Variants in ZBTB20 observed in about 807,000 individuals in gnomAD.
The protein encoded by ZBTB20 is zinc finger and BTB domain containing 20, also known as zinc finger and BTB domain-containing protein 20.
In ZBTB20, 9 loss-of-function variants were observed where a neutral mutation model predicts 56.9. The ratio of observed to expected loss-of-function variants is 0.16; its 90% CI spans 0.10 to 0.28. The LOEUF (loss-of-function observed/expected upper bound fraction) is 0.28, where lower values mean the gene tolerates loss of function less well. Among genes scored for constraint, ZBTB20 ranks in the 10% least tolerant of loss-of-function variants. The pLI is 1.00. For missense variants in ZBTB20, 655 were observed against 1,003.0 expected (o/e 0.65, Z 4.69); for synonymous variants, 417 against 420.7 (o/e 0.99, Z 0.11).
At chr3:114,832,020 A>G (rs936777153) in intron 4 of ZBTB20, among the ~76,000 whole-genome samples, 2 of 152,122 alleles carry the variant, frequency 1.3e-5, no homozygotes, top group African/African-American at 4.8e-5. Flanking sequence ...GCTTATCTGC[A>G]TTGTTTTCAC....
intron 6 of ZBTB20, among the ~76,000 whole-genome samples, chr3:114,609,033 C>T (rs1047437004): frequency 4.6e-5 from 7 of 152,130 alleles, no homozygotes; most frequent in African/African-American, 1.7e-4. Context: ...AGAAATAAGA[C>T]CTTTCACATC....
At chr3:115,039,726 A>G (rs2081066458) in intron 2 of ZBTB20, among the ~76,000 whole-genome samples, 1 of 152,102 alleles carries the variant, frequency 6.6e-6, no homozygotes, top group Non-Finnish European at 1.5e-5. Context: ...TTTAAGAAGA[A>G]GTTTATGCAC....
chr3:115,036,142 G>A (rs2080908566), intron 2 of ZBTB20, among the ~76,000 whole-genome samples: 1 of 152,042 alleles, frequency 6.6e-6, no homozygotes. Flanking sequence ...TAATTCTGGA[G>A]ATACTTGGTG....
At position 114,577,632 on chromosome 3, in the gene ZBTB20, T is replaced by C. The variant is rs143367069; in HGVS notation, c.-294-77241A>G. Among the ~76,000 whole-genome samples the C allele has an allele frequency of 7.8e-3, 1,185 of 152,222 alleles. 16 individuals are homozygous for C. The highest frequency in any genetic ancestry group is 0.027 in the African/African-American group (1,132 of 41,534). On this transcript the variant is annotated intron_variant, in intron 6 of 11. Coordinates refer to ENST00000675478, the MANE Select transcript of ZBTB20 (RefSeq NM_001348800.3). The stretch of plus-strand genomic sequence containing the variant: ...CTAGAATTCCAGCTCTTTAGAGTAA[T>C]GAGGTCAAAGAGGCTCCATTTGAAA...
chr3:114,390,816 G>C lies in ZBTB20; in HGVS notation c.-254-1711C>G, dbSNP rs1037420312. Among the ~76,000 whole-genome samples, 6 of 152,236 alleles carry C rather than the reference G, an allele frequency of 3.9e-5. No individual in the cohort carries two copies. The South Asian group carries it at 6.2e-4, about 16-fold the overall frequency. Reference sequence around the variant, plus strand: ...ACAACAGGGTCTCTAACTTTGAGAAGTTCACATCGCCATCAAATACTACAC... The same window carrying C: ...ACAACAGGGTCTCTAACTTTGAGAACTTCACATCGCCATCAAATACTACAC... On this transcript the variant is annotated intron_variant, in intron 7 of 11. Transcript: ENST00000675478.
chr3:114,611,655 G>A (rs1439211629), intron 6 of ZBTB20, among the ~76,000 whole-genome samples: 3 of 152,142 alleles, frequency 2.0e-5, no homozygotes, highest in Admixed American at 6.5e-5. Context: ...GGTGGGGAAG[G>A]AGACATGGAA....
intron 6 of ZBTB20, among the ~76,000 whole-genome samples, chr3:114,631,111 CAT>C (rs1308907233): frequency 1.3e-5 from 2 of 151,990 alleles, no homozygotes; most frequent in South Asian, 2.1e-4. Flanking sequence ...ATTTTAATTA[CAT>C]GTTTATAATT....
At chr3:114,454,259 C>CT (rs1553717426) in intron 7 of ZBTB20, among the ~76,000 whole-genome samples, 6 of 146,458 alleles carry the variant, frequency 4.1e-5, no homozygotes, top group Admixed American at 2.7e-4. Context: ...TTTTTTCTTT[C>CT]TTTTTTTTCA....
At position 114,512,364 on chromosome 3, in the gene ZBTB20, G is replaced by A. The variant is rs72952550; in HGVS notation, c.-294-11973C>T. On this transcript the variant is annotated intron_variant, in intron 6 of 11. Transcript: ENST00000675478. The stretch of plus-strand genomic sequence containing the variant: ...CATTAATTCAACAAATAGTTTTCCC[G>A]AGTCTATTATTGATTACTCTGCCAA... Among the ~76,000 whole-genome samples, 1,020 of 152,048 alleles carry A rather than the reference G, an allele frequency of 6.7e-3. 13 individuals carry two copies. Among genetic ancestry groups the A allele is most frequent in the African/African-American group, 0.023 (946 of 41,490 alleles).
chr3:114,412,353 C>G (rs1352273367), intron 7 of ZBTB20, among the ~76,000 whole-genome samples: 1 of 152,116 alleles, frequency 6.6e-6, no homozygotes, highest in Non-Finnish European at 1.5e-5. Flanking sequence ...TTTCTGAAGA[C>G]AGTGGTGCCA....
At chr3:115,085,577 A>G (rs576276001) in intron 1 of ZBTB20, among the ~76,000 whole-genome samples, 11 of 152,152 alleles carry the variant, frequency 7.2e-5, no homozygotes, top group Non-Finnish European at 1.6e-4. Flanking sequence ...GACATAAAAT[A>G]GTCCTTAAAC....
At chr3:115,101,220 G>C (rs1476155762) in intron 1 of ZBTB20, among the ~76,000 whole-genome samples, 1 of 152,066 alleles carries the variant, frequency 6.6e-6, no homozygotes, top group Non-Finnish European at 1.5e-5. Flanking sequence ...ATAGAATATG[G>C]GACTGAAACT....
chr3:114,471,613 TGA>T (rs2040138310), intron 7 of ZBTB20, among the ~76,000 whole-genome samples: 1 of 152,130 alleles, frequency 6.6e-6, no homozygotes, highest in South Asian at 2.1e-4. Flanking sequence ...GTGGAGCGAC[TGA>T]GAGAATATGT....
At chr3:114,924,709 T>C (rs1196671176) in intron 3 of ZBTB20, among the ~76,000 whole-genome samples, 4 of 152,274 alleles carry the variant, frequency 2.6e-5, no homozygotes, top group South Asian at 4.1e-4. Flanking sequence ...CATAAAACAA[T>C]CACAATGCAC....
At chr3:115,021,097 C>A (rs1043265415) in intron 2 of ZBTB20, among the ~76,000 whole-genome samples, 1 of 151,032 alleles carries the variant, frequency 6.6e-6, no homozygotes, top group East Asian at 2.0e-4. Context: ...GGACAAGTTT[C>A]ATCTAGTCTA....
intron 10 of ZBTB20, among the ~76,000 whole-genome samples, chr3:114,368,137 G>A (rs570870523): frequency 1.2e-4 from 18 of 152,204 alleles, no homozygotes; most frequent in Admixed American, 2.0e-4. Flanking sequence ...GTGTTCCATC[G>A]AATCCTTCTA....
intron 5 of ZBTB20, among the ~76,000 whole-genome samples, chr3:114,705,531 C>A (rs145275495): frequency 1.1e-4 from 16 of 152,084 alleles, no homozygotes; most frequent in Admixed American, 3.3e-4. Flanking sequence ...GGGAAAATAG[C>A]AAAAGGAAGA....
rs904784253 is a variant in ZBTB20 at position 114,315,886 on chromosome 3, G to A, written c.*23119C>T. On this transcript the variant is annotated 3_prime_UTR_variant, in exon 12 of 12. Transcript: ENST00000675478. ...CAGCAGATAGCAAACACATCAATAA[G>A]GTGCTCAAAGAAAAAAGTGGCACCC... 6.4e-6 allele frequency: 1 copy of A among 155,932 alleles called. No homozygotes were observed. Among genetic ancestry groups the A allele is most frequent in the African/African-American group, 2.4e-5 (1 of 41,392 alleles). 9.7% of individuals were successfully genotyped at this position (155,932 alleles called of 1,614,324 possible).
At chr3:114,665,926 T>C (rs533405905) in intron 6 of ZBTB20, among the ~76,000 whole-genome samples, 2 of 152,152 alleles carry the variant, frequency 1.3e-5, no homozygotes, top group East Asian at 1.9e-4. Flanking sequence ...TTTGGGTGTT[T>C]ACCTTTGTTT....
Sources: gnomAD v4.1 joint callset for allele counts (sites outside exome capture counted in the v4.1 genomes callset) on GRCh38, gnomAD v4.1.1 for gene constraint, MANE v1.5 for transcripts, NCBI Gene and HGNC (gene_info 2026-07-23, HGNC 2026-07-21) for gene names.